Variants in MRTFB observed in about 807,000 individuals in gnomAD.
MRTFB encodes myocardin related transcription factor B.
A neutral mutation model predicts 104.2 loss-of-function variants in MRTFB; 29 were observed. That is an observed-to-expected ratio of 0.28 (90% CI 0.21 to 0.38). The LOEUF (loss-of-function observed/expected upper bound fraction) is 0.38. MRTFB is among the 10% of genes least tolerant of loss of function. The pLI, the probability that MRTFB is intolerant of heterozygous loss-of-function variation, is 1.00. For synonymous variants in MRTFB, 535 were observed against 519.5 expected, an observed-to-expected ratio of 1.03 and a Z score of -0.41; for missense variants, 1,270 against 1,341.6, an observed-to-expected ratio of 0.95 and a Z score of 0.83.
At chr16:14,217,101 G>A (rs1374044456) in intron 6 of MRTFB, 25 bp from the exon 7 acceptor site, 3 of 1,592,500 alleles carry the variant, frequency 1.9e-6, no homozygotes, top group Admixed American at 1.8e-5. Flanking sequence ...TCGAGTAATG[G>A]TTAAAACTGT....
At chr16:14,216,532 A>T (rs2041434067) in intron 6 of MRTFB, among the ~76,000 whole-genome samples, 1 of 152,216 alleles carries the variant, frequency 6.6e-6, no homozygotes, top group African/African-American at 2.4e-5. Context: ...CCTGTATACA[A>T]CCATTAATTA....
At chr16:14,079,523 C>T (rs1457077432) in intron 2 of MRTFB, among the ~76,000 whole-genome samples, 169 bp downstream of exon 2, 1 of 152,094 alleles carries the variant, frequency 6.6e-6, no homozygotes, top group Non-Finnish European at 1.5e-5. Flanking sequence ...GTGGACTGTT[C>T]AAGTAAGTTC....
chr16:14,208,569 A>G (rs1464822724), intron 3 of MRTFB, among the ~76,000 whole-genome samples: 1 of 152,174 alleles, frequency 6.6e-6, no homozygotes, highest in Non-Finnish European at 1.5e-5. Context: ...TGATCTGGAG[A>G]ACTGTTCTAA....
At chr16:14,067,006 G>T (rs1431715390), upstream of MRTFB, among the ~76,000 whole-genome samples, 1 of 151,906 alleles carries the variant, frequency 6.6e-6, no homozygotes, top group Non-Finnish European at 1.5e-5. Flanking sequence ...TGTTTTCAAA[G>T]AATAACGCCC....
chr16:14,211,389 C>A (rs963495947), intron 4 of MRTFB, among the ~76,000 whole-genome samples: 43 of 152,250 alleles, frequency 2.8e-4, no homozygotes, highest in African/African-American at 1.0e-3. Flanking sequence ...TCAGCCAAAC[C>A]TGATTGGACT....
At position 14,240,429 on chromosome 16, in the gene MRTFB, C is replaced by T. The variant is rs1032062152; in HGVS notation, c.1024C>T (p.Leu342=). The T allele has an allele frequency of 1.2e-6, 2 of 1,614,124 alleles. No homozygotes were observed. The highest frequency in any genetic ancestry group is 2.7e-5 in the African/African-American group (2 of 74,950). The change falls in exon 10 of 17, where the codon CTG becomes TTG. Residue 342 remains leucine, a synonymous_variant. Coordinates refer to ENST00000571589, the MANE Select transcript of MRTFB (RefSeq NM_001308142.2). ...QQQLFLQLQI[L]SQQKQHYNYQ... Reference sequence around the variant, plus strand: ...GCAGCTGTTCCTGCAACTGCAGATCCTGAGTCAGCAGAAGCAGCACTACAA... The same window carrying T: ...GCAGCTGTTCCTGCAACTGCAGATCTTGAGTCAGCAGAAGCAGCACTACAA...
At chr16:14,185,180 G>A (rs4267326) in intron 3 of MRTFB, among the ~76,000 whole-genome samples, 13,461 of 152,220 alleles carry the variant, frequency 0.088, 1,218 homozygotes, top group African/African-American at 0.23. Context: ...TTGGACTGCC[G>A]AGGATGGACT....
At chr16:14,233,920 A>G (rs562971574) in intron 8 of MRTFB, among the ~76,000 whole-genome samples, 2 of 151,856 alleles carry the variant, frequency 1.3e-5, no homozygotes, top group Non-Finnish European at 2.9e-5. Context: ...TCGTCAGTCT[A>G]CCTTACTTGG....
chr16:14,194,390 A>T lies in MRTFB; in HGVS notation c.155-15853A>T, dbSNP rs930699039. 2.0e-5 allele frequency among the ~76,000 whole-genome samples: 3 copies of T among 152,320 alleles called. No homozygotes were observed. In the East Asian group the frequency reaches 5.8e-4, roughly 29 times the overall value. On this transcript the variant is annotated intron_variant, in intron 3 of 16. Transcript: ENST00000571589. ...GGTGAGCCCTCAGGTGTCTCTTCTC[A>T]TGAGGACACTAACCCTGTCAGATCA...
At chr16:14,016,280 T>C in the MRTFB span, among the ~76,000 whole-genome samples, 1 of 150,842 alleles carries the variant, frequency 6.6e-6, no homozygotes, top group Non-Finnish European at 1.5e-5. Flanking sequence ...ATCTGACCAA[T>C]AACACCTAGA....
the MRTFB span, among the ~76,000 whole-genome samples, chr16:14,052,292 A>G: frequency 1.3e-5 from 2 of 152,352 alleles, no homozygotes; most frequent in African/African-American, 4.8e-5. Flanking sequence ...TTTTATTGTT[A>G]CATAATAATT....
the MRTFB span, among the ~76,000 whole-genome samples, chr16:14,015,672 A>C: frequency 2.4e-3 from 365 of 152,254 alleles, 1 homozygote; most frequent in South Asian, 5.2e-3. Context: ...CCAGGAATGG[A>C]TCGTTGCCCT....
intron 3 of MRTFB, among the ~76,000 whole-genome samples, chr16:14,188,003 T>C (rs2040019202): frequency 1.3e-5 from 2 of 152,208 alleles, no homozygotes; most frequent in African/African-American, 2.4e-5. Context: ...GTAGAGTTAA[T>C]TGGTCTAAGT....
intron 12 of MRTFB, 105 bp downstream of exon 12, chr16:14,247,612 C>A: frequency 9.7e-7 from 1 of 1,034,776 alleles, no homozygotes; most frequent in Non-Finnish European, 1.4e-6. Flanking sequence ...GCGTCCAGAG[C>A]AGACCCCACG....
the MRTFB span, among the ~76,000 whole-genome samples, chr16:14,059,502 G>T: frequency 6.6e-6 from 1 of 152,098 alleles, no homozygotes; most frequent in Non-Finnish European, 1.5e-5. Flanking sequence ...ATGACCCAAG[G>T]ACAGGACGAC....
At chr16:14,190,387 TCTGA>T (rs924455399) in intron 3 of MRTFB, among the ~76,000 whole-genome samples, 3 of 152,194 alleles carry the variant, frequency 2.0e-5, no homozygotes, top group Admixed American at 2.0e-4. Context: ...TACAAACCAC[TCTGA>T]CATGACAACT....
Position 14,099,670 on chromosome 16 carries a change from C to CT in MRTFB, c.-64+20331dup, listed in dbSNP as rs200952464. 8.3e-3 allele frequency among the ~76,000 whole-genome samples: 1,138 copies of CT among 136,288 alleles called. 11 individuals carry two copies. The highest frequency in any genetic ancestry group is 0.021 in the South Asian group (90 of 4,254). The allele number at this position is 136,288 out of a possible 152,430, so 89.4% of individuals were successfully genotyped here. On this transcript the variant is annotated intron_variant, in intron 2 of 16. Coordinates refer to ENST00000571589, the MANE Select transcript of MRTFB (RefSeq NM_001308142.2). Reference sequence around the variant, plus strand: ...AGCCGTATTCTGCATCTTTTCTTTTCTTTTTTTTTTTTTTTGAGACAGAGT... The same window carrying CT: ...AGCCGTATTCTGCATCTTTTCTTTTCTTTTTTTTTTTTTTTTGAGACAGAGT...
At chr16:14,230,943 C>G (rs1215443277) in intron 8 of MRTFB, among the ~76,000 whole-genome samples, 1 of 150,472 alleles carries the variant, frequency 6.6e-6, no homozygotes, top group African/African-American at 2.5e-5. Flanking sequence ...CCATGGAATA[C>G]TATGCAGCCA....
In MRTFB at chr16:14,074,589, TTTTC is replaced by T. The variant is rs375916423; in HGVS notation, c.-129+3231_-129+3234del. Among the ~76,000 whole-genome samples, 53 of 152,348 alleles carry T rather than the reference TTTTC, an allele frequency of 3.5e-4. No individual in the cohort carries two copies. The East Asian group carries it at 6.0e-3, about 17-fold the overall frequency. On this transcript the variant is annotated intron_variant, in intron 1 of 16. Coordinates refer to ENST00000571589, the MANE Select transcript of MRTFB (RefSeq NM_001308142.2). ...TTAAAATTAGCATGTGGTTGGCAAC[TTTTC>T]TTTCTTAGTAGGACATTATATCTTG... is the stretch of plus-strand genomic sequence containing the variant.
Sources: allele counts gnomAD v4.1 joint callset (sites outside exome capture counted in the v4.1 genomes callset), GRCh38; gene constraint gnomAD v4.1.1; transcripts MANE v1.5; gene names NCBI Gene and HGNC (gene_info 2026-07-23, HGNC 2026-07-21).